The following TMEM182 variants were observed in gnomAD, a reference collection of about 807,000 sequenced individuals.
TMEM182 encodes transmembrane protein 182.
In TMEM182, 20 loss-of-function variants were observed where a neutral mutation model predicts 26.8. The observed-to-expected ratio is 0.75, with a 90% CI of 0.53 to 1.09. The LOEUF is 1.09. Among genes scored for constraint, TMEM182 ranks in the 50% least tolerant of loss-of-function variants. The probability of loss-of-function intolerance (pLI) is 0.00; values close to 1 mark genes in which losing one functional copy is unlikely to be tolerated. For synonymous variants in TMEM182, 109 were observed against 102.2 expected (o/e 1.07, Z -0.40); for missense variants, 277 against 275.5 (o/e 1.01, Z -0.04).
At position 102,816,958 on chromosome 2, in the gene TMEM182, AT is replaced by A; in HGVS notation, c.*1996del. On this transcript the variant is annotated 3_prime_UTR_variant, in exon 5 of 5. Transcript: ENST00000412401. ...TAGTACACTTAAGTGGCTACCATATATTTTTTATATGACAATTGGCTGAATA... is the reference window on the plus strand; with the variant it reads ...TAGTACACTTAAGTGGCTACCATATATTTTTATATGACAATTGGCTGAATA... The A allele has an allele frequency of 1.0e-6, 1 of 985,772 alleles. No homozygotes were observed. Among genetic ancestry groups the A allele is most frequent in the African/African-American group, 1.7e-5 (1 of 57,366 alleles). The allele number at this position is 985,772 out of a possible 1,614,324, so 61.1% of individuals were successfully genotyped here. A position where few individuals can be genotyped will look rare whatever the true frequency, so the allele number is the denominator to read the frequency against.
intron 1 of TMEM182, among the ~76,000 whole-genome samples, chr2:102,746,848 A>G (rs1406400831): frequency 1.3e-5 from 2 of 152,134 alleles, no homozygotes; most frequent in African/African-American, 4.8e-5. Flanking sequence ...CGGCCTCCCA[A>G]AGTGCTGAGA....
intron 3 of TMEM182, among the ~76,000 whole-genome samples, chr2:102,783,659 T>C (rs945445603): frequency 6.6e-6 from 1 of 152,168 alleles, no homozygotes; most frequent in African/African-American, 2.4e-5. Flanking sequence ...GTGTGCTCTT[T>C]TAGTTCCAGC....
chr2:102,757,684 G>C (rs534370688), upstream of TMEM182: 1 of 152,334 alleles, frequency 6.6e-6, no homozygotes, highest in East Asian at 1.9e-4. Flanking sequence ...TTGTGGCCCT[G>C]ATGACTCAGT....
intron 3 of TMEM182, among the ~76,000 whole-genome samples, chr2:102,839,472 A>AT (rs58746291): frequency 0.013 from 1,045 of 78,564 alleles, 16 homozygotes; most frequent in African/African-American, 0.044. Flanking sequence ...TATATATATA[A>AT]TATATACACA....
chr2:102,799,437 G>A (rs1682016887), intron 4 of TMEM182, among the ~76,000 whole-genome samples: 1 of 152,220 alleles, frequency 6.6e-6, no homozygotes, highest in African/African-American at 2.4e-5. Context: ...GGAAAAGGCA[G>A]ATTAATTGAA....
chr2:102,748,768 T>C (rs1257837172), intron 1 of TMEM182, among the ~76,000 whole-genome samples: 1 of 152,238 alleles, frequency 6.6e-6, no homozygotes, highest in African/African-American at 2.4e-5. Context: ...CAAATTAAGC[T>C]GATAACATAA....
intron 3 of TMEM182, among the ~76,000 whole-genome samples, chr2:102,765,528 A>G (rs56138923): frequency 0.17 from 25,324 of 152,168 alleles, 2,184 homozygotes; most frequent in East Asian, 0.2. Flanking sequence ...TGACCCAACA[A>G]CTTGGCACCA....
intron 3 of TMEM182, among the ~76,000 whole-genome samples, chr2:102,834,011 C>T (rs536433131): frequency 1.3e-5 from 2 of 152,260 alleles, no homozygotes; most frequent in Admixed American, 6.5e-5. Context: ...CCTGGGTCAG[C>T]CATGGAACCT....
chr2:102,833,588 C>A (rs1411880309), intron 3 of TMEM182, among the ~76,000 whole-genome samples: 1 of 152,166 alleles, frequency 6.6e-6, no homozygotes, highest in Non-Finnish European at 1.5e-5. Context: ...ATACCAAGAA[C>A]TAAACTACAC....
chr2:102,821,334 G>A (rs1015216753), downstream of TMEM182, among the ~76,000 whole-genome samples: 1 of 152,178 alleles, frequency 6.6e-6, no homozygotes, highest in African/African-American at 2.4e-5. Context: ...TGTGGGAGGT[G>A]TTTGGGTCAT....
rs1197900367 is a variant in TMEM182 at position 102,817,120 on chromosome 2, G to A, written c.*2152G>A. ...CCCTCTGAAGGAATGAAGGAGAGTT[G>A]TGATTGCTATGTCAATGAGTGAAAT... On this transcript the variant is annotated 3_prime_UTR_variant, in exon 5 of 5. Coordinates refer to ENST00000412401, the MANE Select transcript of TMEM182 (RefSeq NM_144632.5). 2.4e-5 allele frequency: 24 copies of A among 985,300 alleles called. No individual in the cohort carries two copies. Among genetic ancestry groups the A allele is most frequent in the Non-Finnish European group, 2.4e-6 (2 of 829,942 alleles). The allele number at this position is 985,300 out of a possible 1,614,324, so 61.0% of individuals were successfully genotyped here.
intron 2 of TMEM182, among the ~76,000 whole-genome samples, chr2:102,763,325 C>T (rs1386034379): frequency 1.3e-5 from 2 of 152,110 alleles, no homozygotes; most frequent in African/African-American, 2.4e-5. Flanking sequence ...CAACTCTATT[C>T]TTTATATTGA....
chr2:102,795,589 C>T (rs921802199), intron 3 of TMEM182, among the ~76,000 whole-genome samples: 1 of 152,208 alleles, frequency 6.6e-6, no homozygotes, highest in Admixed American at 6.5e-5. Flanking sequence ...AGGGCTTGCT[C>T]TGGAACCTGG....
upstream of TMEM182, chr2:102,758,550 A>G (rs1044664905): frequency 4.2e-6 from 3 of 712,170 alleles, no homozygotes; most frequent in Admixed American, 6.1e-5. Context: ...ACATCTGTAC[A>G]GGAAACATGC....
At chr2:102,834,481 C>A in intron 3 of TMEM182, 3 of 970,690 alleles carry the variant, frequency 3.1e-6, no homozygotes, top group Non-Finnish European at 3.7e-6. Context: ...GGTCTCCAAC[C>A]CACTTTCAGA....
chr2:102,779,871 T>C (rs936564173), intron 3 of TMEM182, among the ~76,000 whole-genome samples: 7 of 152,040 alleles, frequency 4.6e-5, no homozygotes, highest in Middle Eastern at 3.4e-3. Flanking sequence ...GGTGTGGCGG[T>C]GGGTGCCTGT....
At chr2:102,810,005 C>T (rs1280527277) in intron 4 of TMEM182, among the ~76,000 whole-genome samples, 1 of 152,100 alleles carries the variant, frequency 6.6e-6, no homozygotes, top group South Asian at 2.1e-4. Context: ...TATGATTCTT[C>T]CCCAAGTAAC....
In TMEM182 at chr2:102,837,757, C is replaced by T. The variant is rs180951881; in HGVS notation, c.326-5655C>T. On this transcript the variant is annotated intron_variant, in intron 3 of 3. Coordinates refer to the TMEM182 transcript ENST00000486293. ...CCTCAAGTGGCCTTGGGTCTAGCTG[C>T]ACTCTCCTGCTTTCCCCAGACCCAA... is the stretch of plus-strand genomic sequence containing the variant. 2.2e-3 allele frequency among the ~76,000 whole-genome samples: 329 copies of T among 152,284 alleles called. 1 individual carries two copies. The highest frequency in any genetic ancestry group is 7.2e-3 in the African/African-American group (300 of 41,562).
In TMEM182 at chr2:102,815,754, C is replaced by T. The variant is rs187080616; in HGVS notation, c.*786C>T. The stretch of plus-strand genomic sequence containing the variant: ...AAAATATGTAAAAACCAAGCATTTC[C>T]GCTTGGTCCATAATTCTATTTGATA... On this transcript the variant is annotated 3_prime_UTR_variant, in exon 5 of 5. Transcript: ENST00000412401. 683 of 939,880 alleles carry T rather than the reference C, an allele frequency of 7.3e-4. 3 individuals are homozygous for T. The East Asian group carries it at 9.1e-3, about 13-fold the overall frequency. The allele number at this position is 939,880 out of a possible 1,614,324, so 58.2% of individuals were successfully genotyped here. A position where few individuals can be genotyped will look rare whatever the true frequency, so the allele number is the denominator to read the frequency against.
Sources: allele counts gnomAD v4.1 joint callset (sites outside exome capture counted in the v4.1 genomes callset), GRCh38; gene constraint gnomAD v4.1.1; transcripts MANE v1.5; gene names NCBI Gene and HGNC (gene_info 2026-07-23, HGNC 2026-07-21).